The following PTCHD4 variants were observed in gnomAD, a reference collection of about 807,000 sequenced individuals.
PTCHD4 encodes the protein patched domain containing 4.
A neutral mutation model predicts 58.1 loss-of-function variants in PTCHD4; 33 were observed. The observed-to-expected ratio is 0.57, with a 90% CI of 0.43 to 0.76. The LOEUF (loss-of-function observed/expected upper bound fraction) is 0.76. Ranked by LOEUF, PTCHD4 falls within the 30% of genes least tolerant of loss-of-function variation. PTCHD4 has a pLI of 0.00. For missense variants in PTCHD4, 1,058 were observed against 1,027.1 expected (o/e 1.03, Z -0.41); for synonymous variants, 478 against 409.6 (o/e 1.17, Z -2.02).
At chr6:47,942,977 G>A (rs1766290154) in intron 4 of PTCHD4, among the ~76,000 whole-genome samples, 1 of 152,108 alleles carries the variant, frequency 6.6e-6, no homozygotes, top group Non-Finnish European at 1.5e-5. Flanking sequence ...CAGCAGTTTG[G>A]AACTTTCTTG....
chr6:48,063,641 C>T (rs1764704301), intron 3 of PTCHD4, among the ~76,000 whole-genome samples: 1 of 152,070 alleles, frequency 6.6e-6, no homozygotes, highest in Non-Finnish European at 1.5e-5. Context: ...AGAAATAATC[C>T]CCCTGACTTA....
intron 3 of PTCHD4, among the ~76,000 whole-genome samples, chr6:48,015,239 C>T (rs765795736): frequency 2.0e-5 from 3 of 151,980 alleles, no homozygotes; most frequent in Non-Finnish European, 4.4e-5. Context: ...GTTCCTAGCT[C>T]ATATCCCTGT....
intron 3 of PTCHD4, among the ~76,000 whole-genome samples, chr6:48,031,661 G>T (rs757797087): frequency 6.6e-6 from 1 of 152,066 alleles, no homozygotes; most frequent in Non-Finnish European, 1.5e-5. Context: ...GAGGCAAACA[G>T]TACTGCAAAA....
rs80059424 is a variant in PTCHD4, at chr6:47,902,942, A to G, written c.899-23006T>C. 4.4e-3 allele frequency among the ~76,000 whole-genome samples: 677 copies of G among 152,332 alleles called. 9 individuals are homozygous for G. Among genetic ancestry groups the G allele is most frequent in the African/African-American group, 0.015 (630 of 41,570 alleles). Reference sequence around the variant, plus strand: ...TGGCATTATGATGACCCGAGAGTGAAGGTCTGGTTAGCACAGATAATTTAA... The same window carrying G: ...TGGCATTATGATGACCCGAGAGTGAGGGTCTGGTTAGCACAGATAATTTAA... On this transcript the variant is annotated intron_variant, in intron 4 of 4. Transcript: ENST00000339488.
chr6:48,099,860 C>T (rs1265019600), intron 1 of PTCHD4, among the ~76,000 whole-genome samples: 2 of 152,138 alleles, frequency 1.3e-5, no homozygotes, highest in Non-Finnish European at 2.9e-5. Flanking sequence ...GTTTACTATG[C>T]AAACAAATGT....
chr6:47,974,882 A>T (rs776405597), intron 4 of PTCHD4, among the ~76,000 whole-genome samples: 148 of 152,212 alleles, frequency 9.7e-4, no homozygotes, highest in Non-Finnish European at 2.0e-3. Context: ...GTCTCACATT[A>T]AACTGTAATT....
intron 4 of PTCHD4, among the ~76,000 whole-genome samples, chr6:47,987,367 C>T (rs1216679400): frequency 6.7e-6 from 1 of 150,210 alleles, no homozygotes; most frequent in Non-Finnish European, 1.5e-5. Context: ...TGTAACAAAC[C>T]TGCATGTTGT....
chr6:47,991,566 A>G (rs966886411), intron 4 of PTCHD4, among the ~76,000 whole-genome samples: 8 of 152,136 alleles, frequency 5.3e-5, no homozygotes, highest in Non-Finnish European at 1.0e-4. Flanking sequence ...GTGTATTAGT[A>G]AATGTAAAAG....
At chr6:47,959,729 A>C (rs796272440) in intron 4 of PTCHD4, among the ~76,000 whole-genome samples, 1 of 152,078 alleles carries the variant, frequency 6.6e-6, no homozygotes, top group Non-Finnish European at 1.5e-5. Context: ...ATCAGAAAAA[A>C]CAAAAGTGAG....
chr6:48,088,227 T>C (rs536747179), intron 1 of PTCHD4, among the ~76,000 whole-genome samples: 45 of 152,268 alleles, frequency 3.0e-4, no homozygotes, highest in Non-Finnish European at 5.7e-4. Flanking sequence ...TTGACAGCCT[T>C]TTAGTGTGCC....
At chr6:48,107,635 A>G (rs1383715721) in intron 1 of PTCHD4, among the ~76,000 whole-genome samples, 1 of 152,184 alleles carries the variant, frequency 6.6e-6, no homozygotes, top group African/African-American at 2.4e-5. Context: ...CTGCACAGCA[A>G]AAGAAACCAC....
At chr6:47,909,449 T>A (rs1391044411) in intron 4 of PTCHD4, among the ~76,000 whole-genome samples, 2 of 152,082 alleles carry the variant, frequency 1.3e-5, no homozygotes, top group African/African-American at 4.8e-5. Context: ...GAGACAAAAG[T>A]TATATGCTCA....
At chr6:47,901,757 G>A in intron 4 of PTCHD4, 3 of 1,228,238 alleles carry the variant, frequency 2.4e-6, no homozygotes, top group Middle Eastern at 7.2e-4. Flanking sequence ...TGATGGTATT[G>A]GTGGTGATGA....
At chr6:48,109,811 C>A (rs1264786013) in intron 1 of PTCHD4, among the ~76,000 whole-genome samples, 1 of 151,650 alleles carries the variant, frequency 6.6e-6, no homozygotes, top group Non-Finnish European at 1.5e-5. Context: ...TACAAGTCGC[C>A]AAAAGGTATG....
intron 4 of PTCHD4, among the ~76,000 whole-genome samples, chr6:47,904,976 C>T (rs1480981629): frequency 6.7e-6 from 1 of 149,530 alleles, no homozygotes; most frequent in Non-Finnish European, 1.5e-5. Context: ...ATTTCATGCA[C>T]AAGAAATGAT....
At chr6:47,969,541 A>C (rs1227925965) in intron 4 of PTCHD4, among the ~76,000 whole-genome samples, 5 of 152,246 alleles carry the variant, frequency 3.3e-5, no homozygotes, top group Admixed American at 6.5e-5. Context: ...TTTAAACTCA[A>C]TAATGAGTAA....
chr6:48,009,203 C>T, intron 3 of PTCHD4, 89 bp from the exon 4 acceptor site: 1 of 1,345,690 alleles, frequency 7.4e-7, no homozygotes, highest in Non-Finnish European at 1.0e-6. Flanking sequence ...ACAAGGAAGG[C>T]AGAGATAGGT....
intron 4 of PTCHD4, among the ~76,000 whole-genome samples, chr6:47,937,904 G>C (rs1766062073): frequency 6.6e-6 from 1 of 152,180 alleles, no homozygotes; most frequent in Admixed American, 6.5e-5. Context: ...TGTAATCCCA[G>C]CACTTTGGGA....
At chr6:47,944,194 C>A (rs1766335871) in intron 4 of PTCHD4, among the ~76,000 whole-genome samples, 1 of 152,048 alleles carries the variant, frequency 6.6e-6, no homozygotes, top group African/African-American at 2.4e-5. Flanking sequence ...AAACACACTG[C>A]ACAATGGTTT....
Sources: allele counts gnomAD v4.1 joint callset (sites outside exome capture counted in the v4.1 genomes callset), GRCh38; gene constraint gnomAD v4.1.1; transcripts MANE v1.5; gene names NCBI Gene and HGNC (gene_info 2026-07-23, HGNC 2026-07-21).